The following CFAP44 variants were observed in gnomAD, a reference collection of about 807,000 sequenced individuals.
The protein encoded by CFAP44 is cilia- and flagella-associated protein 44.
A neutral mutation model predicts 216.2 loss-of-function variants in CFAP44; 134 were observed. The ratio of observed to expected loss-of-function variants is 0.62; its 90% CI spans 0.54 to 0.72. The LOEUF is 0.72. CFAP44 is among the 30% of genes least tolerant of loss of function. The pLI is 0.00. For synonymous variants in CFAP44, 700 were observed against 727.6 expected, an observed-to-expected ratio of 0.96 and a Z score of 0.61; for missense variants, 2,035 against 2,182.1, an observed-to-expected ratio of 0.93 and a Z score of 1.34.
intron 4 of CFAP44, among the ~76,000 whole-genome samples, chr3:113,425,656 GGAA>G (rs910523445): frequency 2.0e-5 from 3 of 152,278 alleles, no homozygotes; most frequent in South Asian, 2.1e-4. Context: ...AAAGTAAATG[GGAA>G]GAAGAAGCCT....
chr3:113,307,736 G>A (rs1032025385), intron 29 of CFAP44, among the ~76,000 whole-genome samples: 3 of 152,214 alleles, frequency 2.0e-5, no homozygotes, highest in Non-Finnish European at 4.4e-5. Flanking sequence ...TTGGGAGGCT[G>A]AGGCAGGTGG....
At chr3:113,351,561 G>T (rs1950445003) in intron 22 of CFAP44, among the ~76,000 whole-genome samples, 1 of 152,202 alleles carries the variant, frequency 6.6e-6, no homozygotes, top group Non-Finnish European at 1.5e-5. Flanking sequence ...CCAAGACCTA[G>T]ATCTCCTCAC....
chr3:113,409,360 A>T, intron 6 of CFAP44, 38 bp from the exon 7 acceptor site: 1 of 1,561,570 alleles, frequency 6.4e-7, no homozygotes, highest in Non-Finnish European at 8.8e-7. Flanking sequence ...ATAAGGACAC[A>T]TTTATTTCAT....
At chr3:113,315,627 T>C (rs182783939) in intron 28 of CFAP44, among the ~76,000 whole-genome samples, 61 of 152,266 alleles carry the variant, frequency 4.0e-4, no homozygotes, top group South Asian at 1.7e-3. Context: ...CAGCAGAATA[T>C]ACAGACAGTT....
At chr3:113,391,680 A>G (rs557281960) in intron 15 of CFAP44, among the ~76,000 whole-genome samples, 4 of 152,216 alleles carry the variant, frequency 2.6e-5, no homozygotes, top group African/African-American at 2.4e-5. Context: ...ACCAGAATAT[A>G]TAAGGAGCCC....
chr3:113,375,878 A>G (rs1933328469), intron 17 of CFAP44, among the ~76,000 whole-genome samples: 1 of 152,112 alleles, frequency 6.6e-6, no homozygotes, highest in Admixed American at 6.6e-5. Flanking sequence ...TAGTAAAAGA[A>G]TGTATAACTA....
At chr3:113,306,961 A>T (rs1949991389) in intron 29 of CFAP44, among the ~76,000 whole-genome samples, 1 of 152,256 alleles carries the variant, frequency 6.6e-6, no homozygotes, top group South Asian at 2.1e-4. Flanking sequence ...ATTCAAAAGT[A>T]AAACAAGATA....
Position 113,290,013 on chromosome 3 carries a change from C to T in CFAP44, c.*1544G>A, listed in dbSNP as rs1475537729. The T allele has an allele frequency of 6.6e-6, 1 of 152,238 alleles. No individual in the cohort carries two copies. The allele number at this position is 152,238 out of a possible 1,614,324, so 9.4% of individuals were successfully genotyped here. A position where few individuals can be genotyped will look rare whatever the true frequency, so the allele number is the denominator to read the frequency against. On this transcript the variant is annotated 3_prime_UTR_variant, in exon 35 of 35. Coordinates refer to ENST00000393845, the MANE Select transcript of CFAP44 (RefSeq NM_001164496.2). ...CACCCGGCCAAGCTGTCCCCAGATT[C>T]CTGGACCTCAGAAACCCTCTCACTC...
rs905890133 is a variant in CFAP44 at position 113,377,999 on chromosome 3, C to A, written c.2298+1307G>T. 2.6e-5 allele frequency among the ~76,000 whole-genome samples: 4 copies of A among 152,088 alleles called. No individual in the cohort carries two copies. In the South Asian group the frequency reaches 6.2e-4, roughly 24 times the overall value. ...TGTACTATGTAATTTTACTTGGAAACCCTAAGAGTAAGCACTAAATATGCG... is the reference window on the plus strand; with the variant it reads ...TGTACTATGTAATTTTACTTGGAAAACCTAAGAGTAAGCACTAAATATGCG... On this transcript the variant is annotated intron_variant, in intron 17 of 34. Coordinates refer to ENST00000393845, the MANE Select transcript of CFAP44 (RefSeq NM_001164496.2).
intron 25 of CFAP44, among the ~76,000 whole-genome samples, chr3:113,332,917 T>A (rs531997601): frequency 6.6e-6 from 1 of 152,300 alleles, no homozygotes; most frequent in African/African-American, 2.4e-5. Context: ...CCACAAAATA[T>A]AAGCTTACCC....
Position 113,379,567 on chromosome 3 carries a change from T to C in CFAP44, c.2053-16A>G, listed in dbSNP as rs1576580523. ...CTATTAATCTCTTTTAAAATAAACA[T>C]TAAGTAGGTATAAAAACAATTATGA... On this transcript the variant is annotated splice_polypyrimidine_tract_variant and intron_variant, in intron 16 of 34. Coordinates refer to ENST00000393845, the MANE Select transcript of CFAP44 (RefSeq NM_001164496.2). 6.5e-7 allele frequency: 1 copy of C among 1,540,808 alleles called. No individual in the cohort carries two copies.
At position 113,366,086 on chromosome 3, in the gene CFAP44, C is replaced by T. The variant is rs948958329; in HGVS notation, c.2668G>A (p.Glu890Lys). The T allele has an allele frequency of 6.2e-7, 1 of 1,613,646 alleles. No homozygotes were observed. The highest frequency in any genetic ancestry group is 1.7e-4 in the Middle Eastern group (1 of 6,058). The change falls in exon 19 of 35, where the codon GAA becomes AAA. Residue 890 changes from glutamate to lysine, a missense_variant. By Grantham distance (56) the Glu-to-Lys change is moderately conservative. Around this residue, in one of 3 missense-constraint regions of CFAP44, gnomAD observed 1,883 missense variants for 2,023.7 expected, o/e 0.93. Transcript: ENST00000393845. Reference protein sequence around the residue: ...GNIFVFNIFSEFMLRKDMKAK... With the variant: ...GNIFVFNIFSKFMLRKDMKAK... ...TTCATGTCTTTCCTTAGCATAAATTCAGAAAAAATGTTGAAAACAAAGATA... is the reference window on the plus strand; with the variant it reads ...TTCATGTCTTTCCTTAGCATAAATTTAGAAAAAATGTTGAAAACAAAGATA...
intron 2 of CFAP44, chr3:113,432,138 G>C (rs1935121569): frequency 6.6e-6 from 1 of 152,142 alleles, no homozygotes; most frequent in Non-Finnish European, 1.5e-5. Flanking sequence ...CATTGTATCA[G>C]AAAAGTCCAT....
chr3:113,367,572 C>T (rs939061141), intron 18 of CFAP44, among the ~76,000 whole-genome samples: 4 of 152,170 alleles, frequency 2.6e-5, no homozygotes, highest in Non-Finnish European at 5.9e-5. Context: ...AAAACACCAT[C>T]TGTAGGTCAC....
rs779714449 is a variant in CFAP44 at position 113,344,720 on chromosome 3, A to C, written c.3066-8T>G. ...TCCAGTGGATCTCGAAATCTGAAAA[A>C]ATAAAACAAGTATTTGCAGTAGTCA... On this transcript the variant is annotated splice_region_variant and splice_polypyrimidine_tract_variant and intron_variant, in intron 22 of 34. Transcript: ENST00000393845. The C allele has an allele frequency of 5.4e-6, 8 of 1,492,700 alleles. No individual in the cohort carries two copies. The highest frequency in any genetic ancestry group is 7.1e-6 in the Non-Finnish European group (8 of 1,130,232). The allele number at this position is 1,492,700 out of a possible 1,614,324, so 92.5% of individuals were successfully genotyped here.
intron 28 of CFAP44, among the ~76,000 whole-genome samples, chr3:113,317,007 A>C (rs1239829606): frequency 6.6e-6 from 1 of 152,186 alleles, no homozygotes; most frequent in Non-Finnish European, 1.5e-5. Flanking sequence ...AGAAAATGCC[A>C]AGAGTGAATT....
intron 4 of CFAP44, among the ~76,000 whole-genome samples, chr3:113,425,250 C>T (rs1370346976): frequency 6.6e-6 from 1 of 152,078 alleles, no homozygotes; most frequent in Non-Finnish European, 1.5e-5. Flanking sequence ...GGGAGTACAC[C>T]ACCCTATCTC....
intron 15 of CFAP44, among the ~76,000 whole-genome samples, chr3:113,393,602 A>C (rs1933904544): frequency 6.6e-6 from 1 of 152,142 alleles, no homozygotes; most frequent in Admixed American, 6.5e-5. Context: ...CGATCTTGGC[A>C]CACTGCAGCC....
Position 113,290,597 on chromosome 3 carries a change from A to G in CFAP44, c.*960T>C, listed in dbSNP as rs1367857091. 1 of 152,246 alleles carries G rather than the reference A, an allele frequency of 6.6e-6. No individual in the cohort carries two copies. Among genetic ancestry groups the G allele is most frequent in the East Asian group, 1.9e-4 (1 of 5,204 alleles). The allele number at this position is 152,246 out of a possible 1,614,324, so 9.4% of individuals were successfully genotyped here. Reference sequence around the variant, plus strand: ...CAAATGTCAGTGAGATTATCCTGCAATGGTTATAGCCATGAACTTCAATGA... The same window carrying G: ...CAAATGTCAGTGAGATTATCCTGCAGTGGTTATAGCCATGAACTTCAATGA... On this transcript the variant is annotated 3_prime_UTR_variant, in exon 35 of 35. Transcript: ENST00000393845.
Sources: gnomAD v4.1 joint callset for allele counts (sites outside exome capture counted in the v4.1 genomes callset) on GRCh38, gnomAD v4.1.1 for gene constraint, gnomAD v4.1.1 regional missense constraint, MANE v1.5 for transcripts, NCBI Gene and HGNC (gene_info 2026-07-23, HGNC 2026-07-21) for gene names.